Variants in BICC1 observed in about 807,000 individuals in gnomAD.
The protein encoded by BICC1 is BicC family RNA binding protein 1.
Under a neutral mutation model 111.0 loss-of-function variants are expected in BICC1, and 43 were observed. That is an observed-to-expected ratio of 0.39 (90% confidence interval 0.30 to 0.50). The LOEUF (loss-of-function observed/expected upper bound fraction) is 0.50. Ranked by LOEUF, BICC1 falls within the 20% of genes least tolerant of loss-of-function variation. The pLI, the probability that BICC1 is intolerant of heterozygous loss-of-function variation, is 0.88. For synonymous variants in BICC1, 467 were observed against 434.4 expected, an observed-to-expected ratio of 1.07 and a Z score of -0.93; for missense variants, 1,091 against 1,203.2, an observed-to-expected ratio of 0.91 and a Z score of 1.38.
chr10:58,572,928 T>C (rs1844004582), intron 1 of BICC1, among the ~76,000 whole-genome samples: 1 of 152,186 alleles, frequency 6.6e-6, no homozygotes, highest in Non-Finnish European at 1.5e-5. Flanking sequence ...TATGTTGTTA[T>C]GTTATTATGT....
intron 1 of BICC1, among the ~76,000 whole-genome samples, chr10:58,581,464 TGAAAA>T (rs1010313054): frequency 9.2e-5 from 14 of 152,298 alleles, no homozygotes; most frequent in African/African-American, 2.6e-4. Flanking sequence ...TTATGATCCT[TGAAAA>T]GAAAAGAAAA....
rs528094819 is a variant in BICC1, at chr10:58,724,951, G to A, written c.307+22808G>A. Among the ~76,000 whole-genome samples, 8 of 152,252 alleles carry A rather than the reference G, an allele frequency of 5.3e-5. No individual in the cohort carries two copies. In the East Asian group the frequency reaches 1.5e-3, roughly 29 times the overall value. On this transcript the variant is annotated intron_variant, in intron 3 of 20. Coordinates refer to ENST00000373886, the MANE Select transcript of BICC1 (RefSeq NM_001080512.3). Reference sequence around the variant, plus strand: ...GTCGTGGCTGTCTATTCCCTCCCTTGGCAGCCCAGTGTCTCATTTGAGGTT... The same window carrying A: ...GTCGTGGCTGTCTATTCCCTCCCTTAGCAGCCCAGTGTCTCATTTGAGGTT...
intron 1 of BICC1, among the ~76,000 whole-genome samples, chr10:58,554,909 T>C (rs529683657): frequency 6.6e-6 from 1 of 151,932 alleles, no homozygotes; most frequent in South Asian, 2.1e-4. Context: ...ACTATTTTAT[T>C]TTCTTGTAAG....
intron 2 of BICC1, among the ~76,000 whole-genome samples, chr10:58,664,937 G>A (rs1284953711): frequency 6.6e-6 from 1 of 152,138 alleles, no homozygotes; most frequent in Non-Finnish European, 1.5e-5. Context: ...TTCTCCAGTG[G>A]TGGATGGATT....
At chr10:58,592,077 T>C (rs1007074251) in intron 1 of BICC1, among the ~76,000 whole-genome samples, 12 of 152,248 alleles carry the variant, frequency 7.9e-5, no homozygotes, top group African/African-American at 2.7e-4. Flanking sequence ...TTTTAACTTA[T>C]CCTTGCTGCA....
rs528163512 is a variant in BICC1 at position 58,689,676 on chromosome 10, C to T, written c.238-12398C>T. On this transcript the variant is annotated intron_variant, in intron 2 of 20. Coordinates refer to ENST00000373886, the MANE Select transcript of BICC1 (RefSeq NM_001080512.3). ...AAAGTTTGTAGTAGTACAGACCTGG[C>T]CAGTTTTGTACAAGCAAAGCGGAGC... Among the ~76,000 whole-genome samples, 57 of 152,278 alleles carry T rather than the reference C, an allele frequency of 3.7e-4. No homozygotes were observed. The South Asian group carries it at 0.011, about 29-fold the overall frequency.
intron 3 of BICC1, among the ~76,000 whole-genome samples, chr10:58,739,250 C>T (rs545467969): frequency 7.8e-4 from 118 of 152,226 alleles, no homozygotes; most frequent in African/African-American, 2.2e-3. Flanking sequence ...TTTTGAGATG[C>T]GTCCCATCAA....
intron 2 of BICC1, among the ~76,000 whole-genome samples, chr10:58,643,757 G>C (rs924528283): frequency 6.6e-6 from 1 of 152,184 alleles, no homozygotes; most frequent in African/African-American, 2.4e-5. Context: ...CAGCAGAAAA[G>C]GAAGCCTGAC....
chr10:58,775,648 T>C (rs1039891444), intron 3 of BICC1, among the ~76,000 whole-genome samples: 3 of 152,132 alleles, frequency 2.0e-5, no homozygotes, highest in Non-Finnish European at 4.4e-5. Flanking sequence ...AAACAAATAA[T>C]ACACAGTTGG....
chr10:58,530,790 T>G (rs1054940046), intron 1 of BICC1, among the ~76,000 whole-genome samples: 1 of 151,796 alleles, frequency 6.6e-6, no homozygotes, highest in Admixed American at 6.6e-5. Context: ...CTGTAAATTC[T>G]TCATGTAGAG....
chr10:58,574,716 AT>A (rs1278521952), intron 1 of BICC1, among the ~76,000 whole-genome samples: 1 of 152,156 alleles, frequency 6.6e-6, no homozygotes, highest in Non-Finnish European at 1.5e-5. Context: ...ATTTATTAAT[AT>A]TTTTAAAAAT....
At chr10:58,751,505 G>T (rs1841990313) in intron 3 of BICC1, among the ~76,000 whole-genome samples, 1 of 152,068 alleles carries the variant, frequency 6.6e-6, no homozygotes, top group South Asian at 2.1e-4. Flanking sequence ...TTGTATTTAG[G>T]AAGTAACGTG....
At chr10:58,800,157 G>T in intron 12 of BICC1, 37 bp from the exon 13 acceptor site, 2 of 1,494,766 alleles carry the variant, frequency 1.3e-6, no homozygotes, top group South Asian at 2.4e-5. Context: ...GTAAAATTGT[G>T]ACCATATTTA....
chr10:58,798,463 T>C lies in BICC1; in HGVS notation c.1431T>C (p.Ala477=), dbSNP rs774654425. The change falls in exon 11 of 21, where the codon GCT becomes GCC. Residue 477 remains alanine, a synonymous_variant. Coordinates refer to ENST00000373886, the MANE Select transcript of BICC1 (RefSeq NM_001080512.3). The part of the protein sequence containing the change: ...TSTTPNSLLN[A]LNSSVSPLQS... ...CAACCCCAAACTCACTCTTGAATGC[T>C]CTTAATAGCTCAGTCAGTCCTTTGC... is the stretch of plus-strand genomic sequence containing the variant. 5.6e-6 allele frequency: 9 copies of C among 1,613,480 alleles called. No homozygotes were observed. In the South Asian group the frequency reaches 6.6e-5, roughly 12 times the overall value.
At chr10:58,571,938 T>C (rs977692967) in intron 1 of BICC1, among the ~76,000 whole-genome samples, 1 of 152,184 alleles carries the variant, frequency 6.6e-6, no homozygotes, top group Admixed American at 6.5e-5. Flanking sequence ...TTGAACTAAT[T>C]TGTACTACCA....
chr10:58,678,018 G>A (rs1470007278), intron 2 of BICC1, among the ~76,000 whole-genome samples: 1 of 152,196 alleles, frequency 6.6e-6, no homozygotes, highest in Non-Finnish European at 1.5e-5. Flanking sequence ...CACCAGGCCT[G>A]TCTTACAAGA....
At chr10:58,611,388 C>T (rs67992621) in intron 1 of BICC1, among the ~76,000 whole-genome samples, 34,444 of 151,870 alleles carry the variant, frequency 0.23, 4,348 homozygotes, top group East Asian at 0.45. Flanking sequence ...TATCTAAATA[C>T]ATGTTTGTTT....
chr10:58,749,989 G>A (rs1375928231), intron 3 of BICC1, among the ~76,000 whole-genome samples: 1 of 152,126 alleles, frequency 6.6e-6, no homozygotes, highest in Non-Finnish European at 1.5e-5. Context: ...ACAAATCTAA[G>A]TGCAGAGATT....
chr10:58,582,993 C>T (rs552173323), intron 1 of BICC1, among the ~76,000 whole-genome samples: 41 of 152,226 alleles, frequency 2.7e-4, no homozygotes, highest in Admixed American at 7.2e-4. Flanking sequence ...ATGGAGGGGC[C>T]GTTATTCTGC....
Sources: gnomAD v4.1 joint callset for allele counts (sites outside exome capture counted in the v4.1 genomes callset) on GRCh38, gnomAD v4.1.1 for gene constraint, MANE v1.5 for transcripts, NCBI Gene and HGNC (gene_info 2026-07-23, HGNC 2026-07-21) for gene names.